Variants in RNMT observed in about 807,000 individuals in gnomAD.
RNMT encodes mRNA cap guanine-N(7) methyltransferase.
Under a neutral mutation model 56.0 loss-of-function variants are expected in RNMT, and 27 were observed. The ratio of observed to expected loss-of-function variants is 0.48; its 90% CI spans 0.36 to 0.67. The LOEUF (loss-of-function observed/expected upper bound fraction) is 0.67. RNMT is among the 30% of genes least tolerant of loss of function. RNMT has a pLI of 0.00. For synonymous variants in RNMT, 184 were observed against 176.2 expected, an observed-to-expected ratio of 1.04 and a Z score of -0.35; for missense variants, 519 against 552.1, an observed-to-expected ratio of 0.94 and a Z score of 0.60.
At position 13,744,018 on chromosome 18, in the gene RNMT, GAACTT is replaced by G. The variant is rs1209218109; in HGVS notation, c.1139+1369_1139+1373del. ...CTGCTCTTCAACTTTATTTAAAAAA[GAACTT>G]AATTGTGGAATGTTATTGAGTATGT... On this transcript the variant is annotated intron_variant, in intron 8 of 11. Transcript: ENST00000383314. 5.3e-5 allele frequency among the ~76,000 whole-genome samples: 8 copies of G among 151,848 alleles called. No homozygotes were observed. The South Asian group carries it at 1.0e-3, about 20-fold the overall frequency.
chr18:13,759,773 C>T (rs1226523270), intron 11 of RNMT, among the ~76,000 whole-genome samples, 169 bp from the exon 12 acceptor site: 1 of 152,170 alleles, frequency 6.6e-6, no homozygotes, highest in Non-Finnish European at 1.5e-5. Flanking sequence ...CATCCCATGT[C>T]TGCCTAAAAA....
rs976065448 is a variant in RNMT, at chr18:13,760,916, C to A, written c.*937C>A. On this transcript the variant is annotated 3_prime_UTR_variant, in exon 12 of 12. Transcript: ENST00000383314. The stretch of plus-strand genomic sequence containing the variant: ...CCGTAGGAGCCATTGTTAAAGTTGT[C>A]ACTTGTGTAACTGACTGCTTTTCCA... 1.0e-6 allele frequency: 1 copy of A among 985,426 alleles called. No individual in the cohort carries two copies. Among genetic ancestry groups the A allele is most frequent in the Non-Finnish European group, 1.2e-6 (1 of 829,920 alleles). 61.0% of individuals were successfully genotyped at this position (985,426 alleles called of 1,614,324 possible). A position where few individuals can be genotyped will look rare whatever the true frequency, so the allele number is the denominator to read the frequency against.
At chr18:13,734,398 A>ATGGCTTATTTTTGACC (rs1305306695) in intron 3 of RNMT, 66 bp from the exon 4 acceptor site, 2 of 1,450,004 alleles carry the variant, frequency 1.4e-6, no homozygotes, top group Non-Finnish European at 1.9e-6. Context: ...CACAGGTCAA[A>ATGGCTTATTTTTGACC]TGTTCTGAGG....
chr18:13,737,246 T>C, intron 5 of RNMT, 111 bp downstream of exon 5: 1 of 1,000,926 alleles, frequency 1.0e-6, no homozygotes, highest in Non-Finnish European at 1.4e-6. Context: ...GATGGGTTTT[T>C]TTTAAATTAA....
At chr18:13,733,498 C>T (rs2044109842) in intron 3 of RNMT, among the ~76,000 whole-genome samples, 1 of 152,106 alleles carries the variant, frequency 6.6e-6, no homozygotes, top group African/African-American at 2.4e-5. Flanking sequence ...CTGCCTCAGC[C>T]TCCTGAGTAG....
rs1239130836 is a variant in RNMT at position 13,746,301 on chromosome 18, A to C, written c.1221A>C (p.Glu407Asp). 1 of 1,571,630 alleles carries C rather than the reference A, an allele frequency of 6.4e-7. No individual in the cohort carries two copies. The highest frequency in any genetic ancestry group is 1.9e-5 in the Admixed American group (1 of 53,588). The change falls in exon 9 of 12, where the codon GAA (glutamate) becomes GAC (aspartate). Residue 407 changes from glutamate (E) to aspartate (D), a missense_variant. Transcript: ENST00000383314. Reference sequence around the variant, plus strand: ...ACGAAGAAAAGATTAAGAACAATGAAAATAAAATGCTCTTAAAACGAATGC... The same window carrying C: ...ACGAAGAAAAGATTAAGAACAATGACAATAAAATGCTCTTAAAACGAATGC... ...EFYEEKIKNN[E>D]NKMLLKRMQA...
chr18:13,760,639 G>A lies in RNMT; in HGVS notation c.*660G>A. 1 of 984,992 alleles carries A rather than the reference G, an allele frequency of 1.0e-6. No individual in the cohort carries two copies. Among genetic ancestry groups the A allele is most frequent in the Non-Finnish European group, 1.2e-6 (1 of 829,556 alleles). The allele number at this position is 984,992 out of a possible 1,614,324, so 61.0% of individuals were successfully genotyped here. Reference sequence around the variant, plus strand: ...TTTTGGGGCTTTCTTTTCAGAAATTGCTACCATAGTAATTAATGTTTCCAG... The same window carrying A: ...TTTTGGGGCTTTCTTTTCAGAAATTACTACCATAGTAATTAATGTTTCCAG... On this transcript the variant is annotated 3_prime_UTR_variant, in exon 12 of 12. Coordinates refer to ENST00000383314, the MANE Select transcript of RNMT (RefSeq NM_003799.3).
In RNMT at chr18:13,743,340, ATAAATAAATAAAT is replaced by A. The variant is rs2044289001; in HGVS notation, c.1139+689_1139+701del. Among the ~76,000 whole-genome samples, 32 of 62,724 alleles carry A rather than the reference ATAAATAAATAAAT, an allele frequency of 5.1e-4. 1 individual carries two copies. In the South Asian group the frequency reaches 0.017, roughly 32 times the overall value. The allele number at this position is 62,724 out of a possible 152,430, so 41.1% of individuals were successfully genotyped here. ...TCCGTCTCAAAAAAAAAATAAATAA[ATAAATAAATAAAT>A]AAATAAATAAATAAATAAATCAAAG... On this transcript the variant is annotated intron_variant, in intron 8 of 11. Coordinates refer to ENST00000383314, the MANE Select transcript of RNMT (RefSeq NM_003799.3).
chr18:13,744,437 G>A (rs1417635779), intron 8 of RNMT, among the ~76,000 whole-genome samples: 1 of 150,898 alleles, frequency 6.6e-6, no homozygotes, highest in Non-Finnish European at 1.5e-5. Context: ...CATTTCTAAA[G>A]GGTTATTTTA....
At chr18:13,739,119 TG>T (rs1248017220) in intron 5 of RNMT, among the ~76,000 whole-genome samples, 3 of 152,148 alleles carry the variant, frequency 2.0e-5, no homozygotes, top group Non-Finnish European at 4.4e-5. Context: ...AACCGTAGTT[TG>T]TCAGTCATTC....
chr18:13,741,422 C>A (rs2044248782), intron 6 of RNMT, 88 bp from the exon 7 acceptor site: 1 of 798,342 alleles, frequency 1.3e-6, no homozygotes, highest in Non-Finnish European at 2.0e-6. Context: ...AAAGGAAGAA[C>A]CTTACATTCT....
intron 9 of RNMT, among the ~76,000 whole-genome samples, chr18:13,751,932 C>T (rs1282026036): frequency 6.6e-6 from 1 of 151,522 alleles, no homozygotes; most frequent in Admixed American, 6.6e-5. Context: ...AACACATGGA[C>T]ACAGGAAGGG....
rs2044647502 is a variant in RNMT at position 13,763,850 on chromosome 18, C to T, written c.*3871C>T. On this transcript the variant is annotated 3_prime_UTR_variant, in exon 12 of 12. Transcript: ENST00000383314. ...GCTTGAGATGTTAACTATTAGAGCTCCATTCTTTTGGTTCAAAACGTTGAT... is the reference window on the plus strand; with the variant it reads ...GCTTGAGATGTTAACTATTAGAGCTTCATTCTTTTGGTTCAAAACGTTGAT... 1.3e-5 allele frequency: 2 copies of T among 152,300 alleles called. No individual in the cohort carries two copies. The highest frequency in any genetic ancestry group is 2.9e-5 in the Non-Finnish European group (2 of 68,138). 9.4% of individuals were successfully genotyped at this position (152,300 alleles called of 1,614,324 possible). A position where few individuals can be genotyped will look rare whatever the true frequency, so the allele number is the denominator to read the frequency against.
chr18:13,757,729 T>C (rs533994488), intron 11 of RNMT, among the ~76,000 whole-genome samples: 62 of 152,336 alleles, frequency 4.1e-4, no homozygotes, highest in African/African-American at 1.4e-3. Context: ...CATGTTGATA[T>C]TTTGACCTCA....
chr18:13,762,202 A>G lies in RNMT; in HGVS notation c.*2223A>G, dbSNP rs1405223383. On this transcript the variant is annotated 3_prime_UTR_variant, in exon 12 of 12. Coordinates refer to ENST00000383314, the MANE Select transcript of RNMT (RefSeq NM_003799.3). ...GAAGACCTAACCAGCTATTGGTGGGAATGACGGAACTGGGGATTGCGATGA... is the reference window on the plus strand; with the variant it reads ...GAAGACCTAACCAGCTATTGGTGGGGATGACGGAACTGGGGATTGCGATGA... 1.3e-6 allele frequency: 2 copies of G among 1,497,822 alleles called. No individual in the cohort carries two copies. Among genetic ancestry groups the G allele is most frequent in the Non-Finnish European group, 1.8e-6 (2 of 1,127,616 alleles). The allele number at this position is 1,497,822 out of a possible 1,614,324, so 92.8% of individuals were successfully genotyped here. A position where few individuals can be genotyped will look rare whatever the true frequency, so the allele number is the denominator to read the frequency against.
At chr18:13,734,678 C>A in intron 4 of RNMT, 79 bp downstream of exon 4, 1 of 1,244,336 alleles carries the variant, frequency 8.0e-7, no homozygotes, top group South Asian at 1.7e-5. Context: ...AAAGCTAGAG[C>A]CAAGACTAGG....
At chr18:13,747,652 T>C (rs1371912530) in intron 9 of RNMT, among the ~76,000 whole-genome samples, 2 of 152,254 alleles carry the variant, frequency 1.3e-5, no homozygotes, top group Admixed American at 6.5e-5. Context: ...AAGTTGCACC[T>C]GCACCCAGCC....
rs749997624 is a variant in RNMT at position 13,741,627 on chromosome 18, G to A, written c.910G>A (p.Ala304Thr). The change falls in exon 7 of 12, where the codon GCG becomes ACG. Residue 304 changes from alanine to threonine, a missense_variant. Transcript: ENST00000383314. ...GCAGGCTGACATGATGCTGAGAAATGCGTGTGAGAGACTTAGCCCTGGGGG... is the reference window on the plus strand; with the variant it reads ...GCAGGCTGACATGATGCTGAGAAATACGTGTGAGAGACTTAGCCCTGGGGG... ...YEQADMMLRN[A>T]CERLSPGGYF... 1.9e-6 allele frequency: 3 copies of A among 1,614,070 alleles called. No individual in the cohort carries two copies. The highest frequency in any genetic ancestry group is 2.2e-5 in the South Asian group (2 of 91,078).
intron 2 of RNMT, 44 bp from the exon 3 acceptor site, chr18:13,731,432 A>C: frequency 9.4e-7 from 1 of 1,061,908 alleles, no homozygotes; most frequent in East Asian, 2.4e-5. Flanking sequence ...ATTGTTTTAA[A>C]GTCTTAGTGT....
Sources: gnomAD v4.1 joint callset for allele counts (sites outside exome capture counted in the v4.1 genomes callset) on GRCh38, gnomAD v4.1.1 for gene constraint, MANE v1.5 for transcripts, NCBI Gene and HGNC (gene_info 2026-07-23, HGNC 2026-07-21) for gene names.